The following ZFAT variants were observed in gnomAD, a reference collection of about 807,000 sequenced individuals.
The protein encoded by ZFAT is zinc finger protein ZFAT.
A neutral mutation model predicts 117.7 loss-of-function variants in ZFAT; 64 were observed. The observed-to-expected ratio is 0.54, with a 90% CI of 0.44 to 0.67. The LOEUF is 0.67. ZFAT is among the 30% of genes least tolerant of loss of function. The pLI is 0.00. For missense variants in ZFAT, 1,433 were observed against 1,584.5 expected, an observed-to-expected ratio of 0.90 and a Z score of 1.62; for synonymous variants, 679 against 615.0, an observed-to-expected ratio of 1.10 and a Z score of -1.54.
intron 1 of ZFAT, among the ~76,000 whole-genome samples, chr8:134,705,976 C>G (rs927960430): frequency 2.6e-5 from 4 of 152,160 alleles, no homozygotes; most frequent in Non-Finnish European, 4.4e-5. Context: ...CACTGCATAT[C>G]CTCTAGGGAA....
At chr8:134,647,595 G>A (rs1385163243) in intron 2 of ZFAT, among the ~76,000 whole-genome samples, 1 of 152,060 alleles carries the variant, frequency 6.6e-6, no homozygotes, top group Non-Finnish European at 1.5e-5. Context: ...GTCTCTGTTT[G>A]TAGATGACAT....
the ZFAT span, among the ~76,000 whole-genome samples, chr8:134,763,808 C>T: frequency 4.4e-4 from 67 of 152,278 alleles, no homozygotes; most frequent in Non-Finnish European, 8.2e-4. Flanking sequence ...TTGGGAATGT[C>T]CAGCAGCTTG....
In ZFAT at chr8:134,552,142, T is replaced by C. The variant is rs775586814; in HGVS notation, c.2976+13191A>G. The stretch of plus-strand genomic sequence containing the variant: ...TATTTGCTGTTACTTTTGATGTCTA[T>C]TTGGTTCTCCCCAGACTTGTAACCC... On this transcript the variant is annotated intron_variant, in intron 11 of 15. Coordinates refer to ENST00000377838, the MANE Select transcript of ZFAT (RefSeq NM_020863.4). Among the ~76,000 whole-genome samples, 35 of 152,166 alleles carry C rather than the reference T, an allele frequency of 2.3e-4. 1 individual carries two copies. Among genetic ancestry groups the C allele is most frequent in the Non-Finnish European group, 3.4e-4 (23 of 68,022 alleles).
chr8:134,707,700 T>C (rs974330179), intron 1 of ZFAT, among the ~76,000 whole-genome samples: 21 of 152,214 alleles, frequency 1.4e-4, no homozygotes, highest in Admixed American at 1.3e-3. Context: ...TGCCCCTTTC[T>C]TATTCAGACA....
At chr8:134,696,491 C>A (rs1213780826) in intron 1 of ZFAT, 21 of 985,678 alleles carry the variant, frequency 2.1e-5, no homozygotes, top group Non-Finnish European at 2.5e-5. Context: ...CCGCTTCCCA[C>A]GGAGCATGCA....
At chr8:134,749,889 TAA>T in the ZFAT span, among the ~76,000 whole-genome samples, 1 of 152,256 alleles carries the variant, frequency 6.6e-6, no homozygotes, top group Non-Finnish European at 1.5e-5. Context: ...AGCCTGTTTT[TAA>T]AATCTTTGCA....
At chr8:134,721,488 C>A in the ZFAT span, among the ~76,000 whole-genome samples, 2 of 152,162 alleles carry the variant, frequency 1.3e-5, no homozygotes, top group African/African-American at 4.8e-5. Context: ...CAGCTGCACT[C>A]GGGTGTTTAT....
chr8:134,631,901 A>C (rs1829915351), intron 3 of ZFAT, among the ~76,000 whole-genome samples: 1 of 152,206 alleles, frequency 6.6e-6, no homozygotes, highest in Non-Finnish European at 1.5e-5. Context: ...ATTATTTCAA[A>C]ACACAAAGTT....
intron 3 of ZFAT, among the ~76,000 whole-genome samples, chr8:134,634,588 G>GACACACAC (rs60734517): frequency 2.0e-5 from 3 of 151,156 alleles, no homozygotes; most frequent in Non-Finnish European, 4.4e-5. Flanking sequence ...TATACATATT[G>GACACACAC]ACACACACAC....
At chr8:134,657,854 G>A in intron 1 of ZFAT, 117 bp from the exon 2 acceptor site, 2 of 1,130,734 alleles carry the variant, frequency 1.8e-6, no homozygotes, top group Non-Finnish European at 2.5e-6. Context: ...GCCTCTACCA[G>A]ATTGTGTCTC....
At chr8:134,502,126 C>T (rs893924767) in intron 15 of ZFAT, among the ~76,000 whole-genome samples, 2 of 152,188 alleles carry the variant, frequency 1.3e-5, no homozygotes, top group African/African-American at 2.4e-5. Context: ...TAGATCCCCC[C>T]TCCTCATTAT....
intron 1 of ZFAT, among the ~76,000 whole-genome samples, chr8:134,669,820 G>T (rs1242158166): frequency 6.6e-6 from 1 of 152,190 alleles, no homozygotes; most frequent in Admixed American, 6.5e-5. Context: ...ACTGGATAAA[G>T]AGTCAAGACC....
At chr8:134,547,283 C>T (rs1184726107) in intron 11 of ZFAT, among the ~76,000 whole-genome samples, 3 of 152,202 alleles carry the variant, frequency 2.0e-5, no homozygotes, top group Non-Finnish European at 2.9e-5. Flanking sequence ...AATAATCTCT[C>T]CTGCTAACGG....
At chr8:134,601,365 G>A in intron 6 of ZFAT, 112 bp downstream of exon 6, 5 of 1,439,440 alleles carry the variant, frequency 3.5e-6, no homozygotes, top group Non-Finnish European at 4.6e-6. Flanking sequence ...GGAGGAGGAT[G>A]GCTCACTTAG....
chr8:134,791,264 C>G, the ZFAT span, among the ~76,000 whole-genome samples: 1 of 152,220 alleles, frequency 6.6e-6, no homozygotes, highest in East Asian at 1.9e-4. Context: ...TGTAGCTTCC[C>G]TGGGTTATTG....
At chr8:134,610,397 T>C (rs2277138) in intron 4 of ZFAT, 73 bp downstream of exon 4, 604,084 of 1,481,682 alleles carry the variant, frequency 0.41, 125,932 homozygotes, top group Admixed American at 0.59. Context: ...TGACTCAGAC[T>C]GTGACATCAG....
chr8:134,513,461 C>T (rs1820011323), intron 13 of ZFAT, among the ~76,000 whole-genome samples: 1 of 152,178 alleles, frequency 6.6e-6, no homozygotes, highest in African/African-American at 2.4e-5. Context: ...GTGTGAGCCA[C>T]CACGCTCGGC....
intron 15 of ZFAT, among the ~76,000 whole-genome samples, chr8:134,486,507 T>C (rs1429573167): frequency 6.6e-6 from 1 of 152,162 alleles, no homozygotes; most frequent in East Asian, 1.9e-4. Flanking sequence ...AGAACAGCCC[T>C]CTCGTAGATG....
At chr8:134,643,121 C>T (rs879482599) in intron 2 of ZFAT, among the ~76,000 whole-genome samples, 2 of 152,220 alleles carry the variant, frequency 1.3e-5, no homozygotes, top group Admixed American at 6.5e-5. Context: ...CATGCACGTC[C>T]TCATTTAATC....
Sources: gnomAD v4.1 joint callset for allele counts (sites outside exome capture counted in the v4.1 genomes callset) on GRCh38, gnomAD v4.1.1 for gene constraint, MANE v1.5 for transcripts, NCBI Gene and HGNC (gene_info 2026-07-23, HGNC 2026-07-21) for gene names.